The following DOCK10 variants were observed in gnomAD, a reference collection of about 807,000 sequenced individuals.
DOCK10 encodes dedicator of cytokinesis protein 10.
In DOCK10, 145 loss-of-function variants were observed where a neutral mutation model predicts 280.1. The ratio of observed to expected loss-of-function variants is 0.52; its 90% CI spans 0.45 to 0.59. The LOEUF (loss-of-function observed/expected upper bound fraction) is 0.59, where lower values mean the gene tolerates loss of function less well. DOCK10 is among the 20% of genes least tolerant of loss of function. DOCK10 has a pLI of 0.00. For missense variants in DOCK10, 2,368 were observed against 2,651.7 expected, an observed-to-expected ratio of 0.89 and a Z score of 2.35; for synonymous variants, 915 against 942.2, an observed-to-expected ratio of 0.97 and a Z score of 0.53.
At chr2:224,766,789 A>T (rs529340676) in intron 55 of DOCK10, among the ~76,000 whole-genome samples, 2 of 152,370 alleles carry the variant, frequency 1.3e-5, no homozygotes, top group African/African-American at 4.8e-5. Flanking sequence ...TTGGCTTCAA[A>T]GAAGGCTTTT....
At chr2:224,856,726 T>C (rs759327692) in intron 15 of DOCK10, 134 bp downstream of exon 15, 13 of 759,362 alleles carry the variant, frequency 1.7e-5, no homozygotes, top group East Asian at 5.6e-5. Flanking sequence ...TTTGGGCATA[T>C]GTGAAGTCAC....
intron 4 of DOCK10, among the ~76,000 whole-genome samples, chr2:224,888,363 ATGTAT>A (rs1575000431): frequency 6.6e-6 from 1 of 151,218 alleles, no homozygotes; most frequent in African/African-American, 2.4e-5. Context: ...GTGTGTCTGT[ATGTAT>A]TGTATGTATA....
rs1690457762 is a variant in DOCK10, at chr2:225,042,281, C to CCGCGGCGGCGGA, written c.82_93dup (p.Ser28_Ala31dup). ...TGCTGCTGCCGGCTGCTGACTGCCA[C>CCGCGGCGGCGGA]CGCGGCGGCGGACGCGGCGCTGTGC... On this transcript the variant is annotated inframe_insertion, in exon 1 of 56. Transcript: ENST00000258390. The surrounding 1 kb of genome is among the most constrained non-coding windows in gnomAD (Gnocchi z 5.1). 5.2e-6 allele frequency: 7 copies of CCGCGGCGGCGGA among 1,338,906 alleles called. No homozygotes were observed. Among genetic ancestry groups the CCGCGGCGGCGGA allele is most frequent in the Non-Finnish European group, 6.7e-6 (7 of 1,043,106 alleles). The allele number at this position is 1,338,906 out of a possible 1,614,324, so 82.9% of individuals were successfully genotyped here.
chr2:224,939,840 T>C (rs1236603121), intron 1 of DOCK10, among the ~76,000 whole-genome samples: 1 of 152,264 alleles, frequency 6.6e-6, no homozygotes, highest in East Asian at 1.9e-4. Context: ...TCAATATGTC[T>C]TCCCATAATG....
At chr2:225,040,986 T>C (rs957511163) in intron 1 of DOCK10, among the ~76,000 whole-genome samples, 1 of 152,140 alleles carries the variant, frequency 6.6e-6, no homozygotes, top group Non-Finnish European at 1.5e-5. Context: ...GGACTGCAGC[T>C]AGTGTAAGTG....
intron 4 of DOCK10, among the ~76,000 whole-genome samples, chr2:224,887,383 A>G (rs1454064279): frequency 6.6e-6 from 1 of 152,144 alleles, no homozygotes; most frequent in East Asian, 1.9e-4. Flanking sequence ...TAGCAATTAC[A>G]CTTACTTTGT....
At chr2:224,856,511 C>T (rs546703662) in intron 15 of DOCK10, among the ~76,000 whole-genome samples, 3 of 152,282 alleles carry the variant, frequency 2.0e-5, no homozygotes, top group South Asian at 2.1e-4. Flanking sequence ...TCTCTCTCAG[C>T]CCATGCCATG....
intron 1 of DOCK10, among the ~76,000 whole-genome samples, chr2:224,963,977 C>T (rs1327521874): frequency 6.8e-6 from 1 of 146,862 alleles, no homozygotes; most frequent in African/African-American, 2.5e-5. Context: ...CACATGTTTT[C>T]ACAATTTGGT....
At chr2:225,008,962 C>T (rs890493871) in intron 1 of DOCK10, among the ~76,000 whole-genome samples, 1 of 152,200 alleles carries the variant, frequency 6.6e-6, no homozygotes, top group African/African-American at 2.4e-5. Context: ...AAGCCAAATA[C>T]GTCCAGTGAG....
rs1690350265 is a variant in DOCK10 at position 224,770,303 on chromosome 2, G to A, written c.6352C>T (p.Leu2118Phe). 4.4e-6 allele frequency: 7 copies of A among 1,607,836 alleles called. No homozygotes were observed. The East Asian group carries it at 1.6e-4, about 36-fold the overall frequency. Reference sequence around the variant, plus strand: ...TACTCCAGCTGGTCCTCTTTGATGAGGCGCTCATTCACGTCAAGGGCCTGC... The same window carrying A: ...TACTCCAGCTGGTCCTCTTTGATGAAGCGCTCATTCACGTCAAGGGCCTGC... ...CGQALDVNER[L>F]IKEDQLEYQE... is the part of the protein sequence containing the mutation. Residue 2118 changes from leucine to phenylalanine, a missense_variant, in exon 55 of 56, where the codon CTC becomes TTC. This residue lies in a region of DOCK10 where 1,159 missense variants were observed against 1,400.8 expected (regional missense o/e 0.83). Transcript: ENST00000258390. This position sits in a 1 kb window ranked among gnomAD's most constrained non-coding sequence, Gnocchi z 4.5.
At chr2:224,811,254 C>T (rs550697807) in intron 31 of DOCK10, among the ~76,000 whole-genome samples, 5 of 152,266 alleles carry the variant, frequency 3.3e-5, no homozygotes, top group East Asian at 1.9e-4. Context: ...AGCATTTTTT[C>T]GTGTGTTTTT....
chr2:224,862,931 T>TTTTC (rs1296597557), intron 13 of DOCK10, among the ~76,000 whole-genome samples, 185 bp from the exon 14 acceptor site: 2 of 152,240 alleles, frequency 1.3e-5, no homozygotes, highest in African/African-American at 4.8e-5. Flanking sequence ...TGTATAATGT[T>TTTTC]TTTCTTTCTT....
chr2:224,917,101 C>CTTTTTTT (rs58223345), intron 2 of DOCK10, among the ~76,000 whole-genome samples: 1,025 of 95,702 alleles, frequency 0.011, 140 homozygotes, highest in African/African-American at 0.038. Flanking sequence ...CTATTGGAAT[C>CTTTTTTT]TTTTTTTTTT....
chr2:224,958,871 C>T (rs1704203896), intron 1 of DOCK10, among the ~76,000 whole-genome samples: 1 of 152,104 alleles, frequency 6.6e-6, no homozygotes, highest in African/African-American at 2.4e-5. Flanking sequence ...GTTTTCTCCC[C>T]GTCTTCCTCT....
intron 52 of DOCK10, among the ~76,000 whole-genome samples, 180 bp downstream of exon 52, chr2:224,774,725 A>C (rs972364535): frequency 1.3e-5 from 2 of 152,198 alleles, no homozygotes; most frequent in Non-Finnish European, 2.9e-5. Flanking sequence ...CCTCTGGTTG[A>C]CTTCTGTTAA....
chr2:225,009,599 T>G (rs989104523), intron 1 of DOCK10, among the ~76,000 whole-genome samples: 1 of 138,724 alleles, frequency 7.2e-6, no homozygotes, highest in Non-Finnish European at 1.5e-5. Context: ...AATGCAGAAA[T>G]GCAGTTGAAG....
In DOCK10 at chr2:224,805,616, G is replaced by A. The variant is rs1693350854; in HGVS notation, c.3815-87C>T. On this transcript the variant is annotated intron_variant, in intron 34 of 55. Coordinates refer to ENST00000258390, the MANE Select transcript of DOCK10 (RefSeq NM_014689.3). The surrounding 1 kb of genome is among the most constrained non-coding windows in gnomAD (Gnocchi z 4.3). ...GGTTCACATGATGAACCAAAAAGAT[G>A]TTGATACTGAGGTAGCAGCAGTGTT... 9.7e-6 allele frequency: 15 copies of A among 1,545,840 alleles called. 1 individual carries two copies. The South Asian group carries it at 1.4e-4, about 14-fold the overall frequency.
rs375651323 is a variant in DOCK10, at chr2:225,004,544, GA to G, written c.123+37707del. 1.7e-3 allele frequency among the ~76,000 whole-genome samples: 256 copies of G among 152,318 alleles called. 7 individuals carry two copies. The South Asian group carries it at 0.05, about 30-fold the overall frequency. Reference sequence around the variant, plus strand: ...TAGGAAACTAGTGCATCCTTATTTTGAAGTTGAGAAACTGGAAGCTCAGAGA... The same window carrying G: ...TAGGAAACTAGTGCATCCTTATTTTGAGTTGAGAAACTGGAAGCTCAGAGA... On this transcript the variant is annotated intron_variant, in intron 1 of 55. Transcript: ENST00000258390.
intron 1 of DOCK10, among the ~76,000 whole-genome samples, chr2:225,018,157 A>G (rs1462738695): frequency 6.6e-6 from 1 of 152,208 alleles, no homozygotes; most frequent in African/African-American, 2.4e-5. Flanking sequence ...AGTACAGTAC[A>G]TCAAGAAACT....
Sources: allele counts gnomAD v4.1 joint callset (sites outside exome capture counted in the v4.1 genomes callset), GRCh38; gene constraint gnomAD v4.1.1; regional missense constraint gnomAD v4.1.1; non-coding constraint Gnocchi (gnomAD v3.1); transcripts MANE v1.5; gene names NCBI Gene and HGNC (gene_info 2026-07-23, HGNC 2026-07-21).